KCNQ5: variants seen among roughly 807,000 people sequenced by gnomAD.
The protein encoded by KCNQ5 is potassium voltage-gated channel subfamily KQT member 5.
In KCNQ5, 30 loss-of-function variants were observed where a neutral mutation model predicts 98.2. The observed-to-expected ratio is 0.31, with a 90% CI of 0.23 to 0.41. The LOEUF is 0.41. Among genes scored for constraint, KCNQ5 ranks in the 10% least tolerant of loss-of-function variants. The probability of loss-of-function intolerance (pLI) is 1.00; values close to 1 mark genes in which losing one functional copy is unlikely to be tolerated. For synonymous variants in KCNQ5, 458 were observed against 449.4 expected (o/e 1.02, Z -0.24); for missense variants, 835 against 1,182.5 (o/e 0.71, Z 4.31).
At chr6:72,624,813 G>C (rs1487140225) in intron 1 of KCNQ5, among the ~76,000 whole-genome samples, 1 of 152,172 alleles carries the variant, frequency 6.6e-6, no homozygotes, top group East Asian at 1.9e-4. Flanking sequence ...CTTTTGGGAG[G>C]ATTGTGCACA....
intron 1 of KCNQ5, among the ~76,000 whole-genome samples, chr6:72,898,839 G>A (rs1477865569): frequency 2.0e-5 from 3 of 152,068 alleles, no homozygotes; most frequent in Non-Finnish European, 4.4e-5. Flanking sequence ...AGCATCTGTT[G>A]TTTCTTGATT....
At chr6:72,767,024 G>T (rs2154477263) in intron 1 of KCNQ5, among the ~76,000 whole-genome samples, 1 of 152,086 alleles carries the variant, frequency 6.6e-6, no homozygotes, top group South Asian at 2.1e-4. Context: ...AGAGATAAGA[G>T]AACTTGCTGA....
At chr6:72,632,879 A>T (rs1415778017) in intron 1 of KCNQ5, among the ~76,000 whole-genome samples, 1 of 151,946 alleles carries the variant, frequency 6.6e-6, no homozygotes, top group Non-Finnish European at 1.5e-5. Flanking sequence ...TGTGAGTAGC[A>T]TGGCAATGAA....
At chr6:72,818,429 A>T (rs1775598233) in intron 1 of KCNQ5, among the ~76,000 whole-genome samples, 1 of 152,102 alleles carries the variant, frequency 6.6e-6, no homozygotes, top group Admixed American at 6.5e-5. Flanking sequence ...AGAAAACAGC[A>T]AGGAAGGGTA....
intron 10 of KCNQ5, among the ~76,000 whole-genome samples, chr6:73,145,590 T>C (rs1776889104): frequency 1.3e-5 from 2 of 152,228 alleles, no homozygotes; most frequent in African/African-American, 4.8e-5. Flanking sequence ...TATGCAACAG[T>C]AATTTCCATT....
At position 72,839,463 on chromosome 6, in the gene KCNQ5, T is replaced by G. The variant is rs148362685; in HGVS notation, c.399-164445T>G. On this transcript the variant is annotated intron_variant, in intron 1 of 13. Transcript: ENST00000370398. Reference sequence around the variant, plus strand: ...CGTGTTTTCCTGGCTGTTTGTCAAATAATTTTGAATTCTATCCTGGACACT... The same window carrying G: ...CGTGTTTTCCTGGCTGTTTGTCAAAGAATTTTGAATTCTATCCTGGACACT... 6.4e-3 allele frequency among the ~76,000 whole-genome samples: 970 copies of G among 152,326 alleles called. 14 individuals are homozygous for G. Among genetic ancestry groups the G allele is most frequent in the African/African-American group, 0.021 (863 of 41,574 alleles).
At chr6:72,828,080 T>C (rs1172687398) in intron 1 of KCNQ5, among the ~76,000 whole-genome samples, 2 of 152,158 alleles carry the variant, frequency 1.3e-5, no homozygotes, top group Non-Finnish European at 2.9e-5. Context: ...TCTGTTCCAT[T>C]CTTCTGTGTG....
chr6:73,036,001 G>GTGTGTT (rs1429612054), intron 2 of KCNQ5, among the ~76,000 whole-genome samples: 1 of 149,752 alleles, frequency 6.7e-6, no homozygotes, highest in African/African-American at 2.5e-5. Flanking sequence ...GTGTGTGTGT[G>GTGTGTT]TGTGTGTGTG....
intron 5 of KCNQ5, among the ~76,000 whole-genome samples, chr6:73,097,158 T>TATATATATATAC (rs978966757): frequency 5.4e-5 from 8 of 147,002 alleles, no homozygotes; most frequent in African/African-American, 1.7e-4. Flanking sequence ...TATATATATA[T>TATATATATATAC]ACACACACAC....
At chr6:72,987,990 TAAGGAC>T (rs898553082) in intron 1 of KCNQ5, among the ~76,000 whole-genome samples, 4 of 152,124 alleles carry the variant, frequency 2.6e-5, no homozygotes, top group Admixed American at 1.3e-4. Context: ...CTGTGGAGAC[TAAGGAC>T]AAGGACAAGG....
intron 1 of KCNQ5, among the ~76,000 whole-genome samples, chr6:72,846,861 G>A (rs1214580888): frequency 6.6e-6 from 1 of 152,112 alleles, no homozygotes; most frequent in Non-Finnish European, 1.5e-5. Flanking sequence ...AGTAATGAAG[G>A]CATTATTATA....
At chr6:72,890,017 G>T (rs1338648000) in intron 1 of KCNQ5, among the ~76,000 whole-genome samples, 4 of 152,184 alleles carry the variant, frequency 2.6e-5, no homozygotes, top group Non-Finnish European at 5.9e-5. Flanking sequence ...CTCCCAAGAA[G>T]ATGTCTATTT....
rs1441042064 is a variant in KCNQ5 at position 73,070,870 on chromosome 6, G to T, written c.617-6452G>T. Among the ~76,000 whole-genome samples the T allele has an allele frequency of 1.1e-4, 17 of 152,108 alleles. 1 individual carries two copies. Among genetic ancestry groups the T allele is most frequent in the African/African-American group, 3.6e-4 (15 of 41,424 alleles). ...CCTTAGAAGGGAAGCACATATCTGT[G>T]GTAGACAGCTAGCTACCTTTACCAC... On this transcript the variant is annotated intron_variant, in intron 3 of 13. Coordinates refer to ENST00000370398, the MANE Select transcript of KCNQ5 (RefSeq NM_019842.4).
At chr6:73,087,667 A>G (rs1267286518) in intron 5 of KCNQ5, among the ~76,000 whole-genome samples, 2 of 152,236 alleles carry the variant, frequency 1.3e-5, no homozygotes, top group Non-Finnish European at 2.9e-5. Context: ...GAAGAAAAAG[A>G]CTTAGAACAA....
rs1773821766 is a variant in KCNQ5, at chr6:72,787,575, T to C, written c.398+164988T>C. Reference sequence around the variant, plus strand: ...AAAATTGAATGCTGTAGCCAATCTATGTAGGAAGCCAAAGTAACCAGAAGG... The same window carrying C: ...AAAATTGAATGCTGTAGCCAATCTACGTAGGAAGCCAAAGTAACCAGAAGG... On this transcript the variant is annotated intron_variant, in intron 1 of 13. Coordinates refer to ENST00000370398, the MANE Select transcript of KCNQ5 (RefSeq NM_019842.4). Among the ~76,000 whole-genome samples the C allele has an allele frequency of 1.3e-5, 2 of 152,080 alleles. 1 individual carries two copies. The highest frequency in any genetic ancestry group is 4.1e-4 in the South Asian group (2 of 4,824).
chr6:72,651,753 C>T (rs1319679911), intron 1 of KCNQ5, among the ~76,000 whole-genome samples: 1 of 151,930 alleles, frequency 6.6e-6, no homozygotes, highest in Non-Finnish European at 1.5e-5. Flanking sequence ...TCAAAGAGTA[C>T]ACCTTTAAAC....
chr6:72,975,887 T>C (rs1453282284), intron 1 of KCNQ5, among the ~76,000 whole-genome samples: 2 of 152,160 alleles, frequency 1.3e-5, no homozygotes, highest in Non-Finnish European at 2.9e-5. Context: ...TGTATATACG[T>C]GTAACAAAGA....
chr6:73,005,667 A>T (rs1323394866), intron 2 of KCNQ5, among the ~76,000 whole-genome samples: 2 of 152,226 alleles, frequency 1.3e-5, no homozygotes, highest in Middle Eastern at 3.2e-3. Context: ...GAGTTTAGTA[A>T]CTAGAGTGCA....
chr6:72,779,171 A>G (rs1470761184), intron 1 of KCNQ5, among the ~76,000 whole-genome samples: 1 of 152,194 alleles, frequency 6.6e-6, no homozygotes, highest in African/African-American at 2.4e-5. Flanking sequence ...TGCTTAGTAT[A>G]TTTGTAGGCT....
Sources: gnomAD v4.1 joint callset for allele counts (sites outside exome capture counted in the v4.1 genomes callset) on GRCh38, gnomAD v4.1.1 for gene constraint, MANE v1.5 for transcripts, NCBI Gene and HGNC (gene_info 2026-07-23, HGNC 2026-07-21) for gene names.